Variants in PTPN9 observed in about 807,000 individuals in gnomAD.
PTPN9 encodes the protein protein tyrosine phosphatase non-receptor type 9.
Under a neutral mutation model 69.8 loss-of-function variants are expected in PTPN9, and 26 were observed. The ratio of observed to expected loss-of-function variants is 0.37; its 90% CI spans 0.27 to 0.52. PTPN9 has a LOEUF of 0.52. PTPN9 is among the 20% of genes least tolerant of loss of function. The pLI is 0.91. For missense variants in PTPN9, 549 were observed against 740.3 expected, an observed-to-expected ratio of 0.74 and a Z score of 3.00; for synonymous variants, 274 against 272.5, an observed-to-expected ratio of 1.01 and a Z score of -0.05.
chr15:75,494,264 T>C (rs1416444614), intron 7 of PTPN9, among the ~76,000 whole-genome samples: 2 of 151,666 alleles, frequency 1.3e-5, no homozygotes, highest in Admixed American at 1.3e-4. Flanking sequence ...TAGAACTAAA[T>C]AACAAACCTT....
At chr15:75,541,183 G>A (rs2075006877) in intron 1 of PTPN9, among the ~76,000 whole-genome samples, 1 of 151,664 alleles carries the variant, frequency 6.6e-6, no homozygotes, top group African/African-American at 2.4e-5. Context: ...GAAGTCCTAG[G>A]CTCAAATGAT....
intron 2 of PTPN9, among the ~76,000 whole-genome samples, chr15:75,525,869 G>T (rs931395384): frequency 2.0e-5 from 3 of 151,830 alleles, no homozygotes; most frequent in Non-Finnish European, 4.4e-5. Flanking sequence ...GATCTGCAGT[G>T]AGCTGAGATC....
rs1192377211 is a variant in PTPN9 at position 75,464,336 on chromosome 15, A to T, written c.*4433T>A. 6.6e-6 allele frequency: 1 copy of T among 151,930 alleles called. No individual in the cohort carries two copies. Among genetic ancestry groups the T allele is most frequent in the Non-Finnish European group, 1.5e-5 (1 of 68,152 alleles). 9.4% of individuals were successfully genotyped at this position (151,930 alleles called of 1,614,324 possible). ...GGTTCCTGCTTGAGCCCAGTTGTTG[A>T]GACTGCAGTGAGCCATGATCATGCC... On this transcript the variant is annotated 3_prime_UTR_variant, in exon 13 of 13. Transcript: ENST00000618819.
At chr15:75,477,180 C>T (rs72732844) in intron 9 of PTPN9, among the ~76,000 whole-genome samples, 51 of 152,342 alleles carry the variant, frequency 3.3e-4, no homozygotes, top group Non-Finnish European at 4.9e-4. Context: ...GTCACGTAAA[C>T]TTTTGGGTTT....
At chr15:75,500,260 T>G (rs2074765266) in intron 7 of PTPN9, among the ~76,000 whole-genome samples, 1 of 151,422 alleles carries the variant, frequency 6.6e-6, no homozygotes, top group African/African-American at 2.4e-5. Flanking sequence ...TGCAGTGGGC[T>G]GAGATCGTGG....
At chr15:75,502,820 C>CT (rs1004575422) in intron 7 of PTPN9, among the ~76,000 whole-genome samples, 23 of 152,218 alleles carry the variant, frequency 1.5e-4, no homozygotes, top group Admixed American at 5.2e-4. Context: ...TTTGAACCTA[C>CT]TTTTTTTAAA....
At chr15:75,493,761 A>G (rs1269927706) in intron 7 of PTPN9, among the ~76,000 whole-genome samples, 1 of 152,032 alleles carries the variant, frequency 6.6e-6, no homozygotes, top group African/African-American at 2.4e-5. Flanking sequence ...ACTCCGTCTC[A>G]TTAAAAAAAA....
At chr15:75,522,978 G>T in intron 4 of PTPN9, 143 bp downstream of exon 4, 2 of 975,460 alleles carry the variant, frequency 2.1e-6, no homozygotes, top group South Asian at 3.5e-5. Context: ...GAGTTCTAAA[G>T]GACATGGATT....
In PTPN9 at chr15:75,537,981, C is replaced by A. The variant is rs374727665; in HGVS notation, c.64-10720G>T. Among the ~76,000 whole-genome samples, 86 of 151,770 alleles carry A rather than the reference C, an allele frequency of 5.7e-4. 1 individual carries two copies. In the East Asian group the frequency reaches 0.015, roughly 27 times the overall value. ...GGCTGAGGCAGGAGAATCACTTGAA[C>A]CCAGGAGGCAGAGGTTGCAGTGAGC... On this transcript the variant is annotated intron_variant, in intron 1 of 12. Transcript: ENST00000618819.
In PTPN9 at chr15:75,468,799, G is replaced by T. The variant is rs2074549222; in HGVS notation, c.1752C>A (p.Gly584=). The part of the protein sequence containing the change: ...FAEKEGMVSS[G]QNLLAVESQ ...GACTCTCCACGGCCAGCAGGTTTTG[G>T]CCAGAGGATACCATGCCCTCCTTCT... The change falls in exon 13 of 13, where the codon GGC becomes GGA. Residue 584 remains glycine, a synonymous_variant. Coordinates refer to ENST00000618819, the MANE Select transcript of PTPN9 (RefSeq NM_002833.4). 2 of 1,613,980 alleles carry T rather than the reference G, an allele frequency of 1.2e-6. No homozygotes were observed. Among genetic ancestry groups the T allele is most frequent in the African/African-American group, 1.3e-5 (1 of 74,916 alleles).
chr15:75,515,846 G>A (rs956492361), intron 5 of PTPN9, among the ~76,000 whole-genome samples: 1 of 151,778 alleles, frequency 6.6e-6, no homozygotes, highest in Non-Finnish European at 1.5e-5. Flanking sequence ...GCAGTGAGCC[G>A]ACATCGCGCC....
intron 1 of PTPN9, among the ~76,000 whole-genome samples, chr15:75,552,972 TAG>T (rs1315217713): frequency 6.6e-6 from 1 of 151,928 alleles, no homozygotes; most frequent in East Asian, 1.9e-4. Context: ...CAACGGCCTT[TAG>T]AGTCAGACAG....
chr15:75,514,357 T>C (rs1359780220), intron 5 of PTPN9, among the ~76,000 whole-genome samples: 1 of 152,088 alleles, frequency 6.6e-6, no homozygotes, highest in Non-Finnish European at 1.5e-5. Context: ...GGTGGCTGGA[T>C]TGCTTGAGCT....
chr15:75,542,835 AT>A (rs928454679), intron 1 of PTPN9, among the ~76,000 whole-genome samples: 18 of 136,808 alleles, frequency 1.3e-4, no homozygotes, highest in African/African-American at 2.7e-4. Context: ...CAATCCCTTC[AT>A]TTTTTTTTTG....
At chr15:75,571,888 T>TA (rs2075149940) in intron 1 of PTPN9, among the ~76,000 whole-genome samples, 1 of 151,222 alleles carries the variant, frequency 6.6e-6, no homozygotes, top group African/African-American at 2.4e-5. Context: ...AAAAACTAAA[T>TA]AAAAAATAAA....
intron 1 of PTPN9, among the ~76,000 whole-genome samples, chr15:75,535,649 C>T (rs1178281391): frequency 5.3e-5 from 8 of 152,184 alleles, no homozygotes; most frequent in African/African-American, 9.7e-5. Flanking sequence ...TTTGAAGATA[C>T]TTCTGTATTT....
At chr15:75,476,292 A>G (rs968519414) in intron 9 of PTPN9, among the ~76,000 whole-genome samples, 1 of 152,188 alleles carries the variant, frequency 6.6e-6, no homozygotes, top group Non-Finnish European at 1.5e-5. Context: ...GTATAGAAAG[A>G]GCACATTTGG....
At chr15:75,537,739 G>A (rs1193362620) in intron 1 of PTPN9, among the ~76,000 whole-genome samples, 1 of 52,750 alleles carries the variant, frequency 1.9e-5, no homozygotes, top group African/African-American at 9.5e-5. Context: ...GGGCAACAGA[G>A]GGAGACTCCA....
chr15:75,559,421 T>G (rs145340384), intron 1 of PTPN9, among the ~76,000 whole-genome samples: 1 of 152,196 alleles, frequency 6.6e-6, no homozygotes, highest in South Asian at 2.1e-4. Flanking sequence ...TTTTGTTCTG[T>G]GCTGGGAGGA....
Sources: allele counts gnomAD v4.1 joint callset (sites outside exome capture counted in the v4.1 genomes callset), GRCh38; gene constraint gnomAD v4.1.1; transcripts MANE v1.5; gene names NCBI Gene and HGNC (gene_info 2026-07-23, HGNC 2026-07-21).